The following OR10Z1 variants were observed in gnomAD, a reference collection of about 807,000 sequenced individuals.
The protein encoded by OR10Z1 is olfactory receptor family 10 subfamily Z member 1.
For synonymous variants in OR10Z1, 187 were observed against 151.2 expected (o/e 1.24, Z -1.74); for missense variants, 468 against 371.0 (o/e 1.26, Z -2.15).
chr1:158,611,526 AT>A lies in OR10Z1; in HGVS notation c.*4151del. On this transcript the variant is annotated 3_prime_UTR_variant, in exon 2 of 2. Transcript: ENST00000641002. ...GCAAGCCCTATTTCTATTACACACA[AT>A]TTTTATCTCATAAATTTATAATTTC... is the stretch of plus-strand genomic sequence containing the variant. The A allele has an allele frequency of 4.6e-6, 4 of 868,818 alleles. No individual in the cohort carries two copies. The highest frequency in any genetic ancestry group is 7.0e-6 in the Non-Finnish European group (4 of 573,022). 53.8% of individuals were successfully genotyped at this position (868,818 alleles called of 1,614,324 possible).
At position 158,606,918 on chromosome 1, in the gene OR10Z1, A is replaced by G; in HGVS notation, c.480A>G (p.Thr160=). 1 of 1,613,952 alleles carries G rather than the reference A, an allele frequency of 6.2e-7. No homozygotes were observed. Residue 160 remains threonine, a synonymous_variant, in exon 2 of 2, where the codon ACA becomes ACG. Transcript: ENST00000641002. The part of the protein sequence containing the change: ...LTGYLFGLGM[T]LVIFHLSFCS... ...GATACCTCTTTGGACTGGGAATGAC[A>G]CTAGTTATTTTCCACCTCTCATTCT... is the stretch of plus-strand genomic sequence containing the variant.
chr1:158,606,615 G>A lies in OR10Z1; in HGVS notation c.177G>A (p.Met59Ile), dbSNP rs753946126. The A allele has an allele frequency of 1.4e-5, 23 of 1,613,912 alleles. No homozygotes were observed. The highest frequency in any genetic ancestry group is 5.0e-5 in the Admixed American group (3 of 59,978). ...IRLDSHLHTP[M>I]YLFLSFLSFS... ...TGGATAGCCATCTGCACACCCCCAT[G>A]TACCTCTTCCTTTCCTTCCTATCCT... The change falls in exon 2 of 2, where the codon ATG (methionine) becomes ATA (isoleucine). Residue 59 changes from methionine to isoleucine, a missense_variant. Transcript: ENST00000641002.
chr1:158,606,267 AT>A, intron 1 of OR10Z1, 58 bp from the exon 2 acceptor site: 1 of 598,404 alleles, frequency 1.7e-6, no homozygotes, highest in Non-Finnish European at 3.0e-6. Context: ...TTTGTGTCTA[AT>A]TTAACAAATA....
chr1:158,610,378 A>C lies in OR10Z1; in HGVS notation c.*2998A>C, dbSNP rs575130817. On this transcript the variant is annotated 3_prime_UTR_variant, in exon 2 of 2. Transcript: ENST00000641002. The stretch of plus-strand genomic sequence containing the variant: ...TTATAGATCAAATCAGAATGTCGGC[A>C]TATAAACCTGTTCAGAATAAACCTG... 2.6e-5 allele frequency: 4 copies of C among 152,322 alleles called. No homozygotes were observed. In the South Asian group the frequency reaches 8.3e-4, roughly 32 times the overall value. The allele number at this position is 152,322 out of a possible 1,614,324, so 9.4% of individuals were successfully genotyped here.
chr1:158,606,337 A>C lies in OR10Z1; in HGVS notation c.-102A>C. 1 of 736,238 alleles carries C rather than the reference A, an allele frequency of 1.4e-6. No homozygotes were observed. Among genetic ancestry groups the C allele is most frequent in the Non-Finnish European group, 2.3e-6 (1 of 437,662 alleles). The allele number at this position is 736,238 out of a possible 1,614,324, so 45.6% of individuals were successfully genotyped here. ...GCTGCCTTTTTAAGTTGCAACAGGA[A>C]CAAGAGAAAAAGAATCCATATCATC... On this transcript the variant is annotated 5_prime_UTR_variant, in exon 2 of 2. Coordinates refer to ENST00000641002, the MANE Select transcript of OR10Z1 (RefSeq NM_001004478.2).
At position 158,611,133 on chromosome 1, in the gene OR10Z1, A is replaced by ACG; in HGVS notation, c.*3754_*3755insGC. On this transcript the variant is annotated 3_prime_UTR_variant, in exon 2 of 2. Coordinates refer to ENST00000641002, the MANE Select transcript of OR10Z1 (RefSeq NM_001004478.2). ...ATGTAATATGCACACAAACACAAGC[A>ACG]CACACACACACACACACACACACAC... 5.0e-6 allele frequency: 1 copy of ACG among 199,650 alleles called. No homozygotes were observed. Among genetic ancestry groups the ACG allele is most frequent in the Non-Finnish European group, 7.7e-6 (1 of 129,762 alleles). The allele number at this position is 199,650 out of a possible 1,614,324, so 12.4% of individuals were successfully genotyped here.
Position 158,607,010 on chromosome 1 carries a change from A to G in OR10Z1, c.572A>G (p.Asp191Gly). The part of the protein sequence containing the change: ...TPPVLSLACG[D>G]TGPSELRIFI... Reference sequence around the variant, plus strand: ...CCTGTGCTGAGCCTAGCCTGTGGAGATACAGGCCCGAGTGAGCTGAGGATC... The same window carrying G: ...CCTGTGCTGAGCCTAGCCTGTGGAGGTACAGGCCCGAGTGAGCTGAGGATC... Residue 191 changes from aspartate to glycine, a missense_variant, in exon 2 of 2, where the codon GAT (aspartate) becomes GGT (glycine). Coordinates refer to ENST00000641002, the MANE Select transcript of OR10Z1 (RefSeq NM_001004478.2). 6.2e-7 allele frequency: 1 copy of G among 1,613,918 alleles called. No individual in the cohort carries two copies. Among genetic ancestry groups the G allele is most frequent in the Non-Finnish European group, 8.5e-7 (1 of 1,179,914 alleles).
chr1:158,607,664 A>C lies in OR10Z1; in HGVS notation c.*284A>C. The C allele has an allele frequency of 3.2e-6, 1 of 313,290 alleles. No homozygotes were observed. The highest frequency in any genetic ancestry group is 2.1e-5 in the African/African-American group (1 of 46,770). 19.4% of individuals were successfully genotyped at this position (313,290 alleles called of 1,614,324 possible). On this transcript the variant is annotated 3_prime_UTR_variant, in exon 2 of 2. Transcript: ENST00000641002. The stretch of plus-strand genomic sequence containing the variant: ...GTTACTGAAACCCATTGAGAATTAA[A>C]AATTTAATTAAGATAATCAAGAATT...
At position 158,611,131 on chromosome 1, in the gene OR10Z1, G is replaced by GCACGCA. The variant is rs1553221963; in HGVS notation, c.*3754_*3755insGCACAC. 1.5e-6 allele frequency: 1 copy of GCACGCA among 670,346 alleles called. No individual in the cohort carries two copies. The highest frequency in any genetic ancestry group is 2.5e-6 in the Non-Finnish European group (1 of 392,794). The allele number at this position is 670,346 out of a possible 1,614,324, so 41.5% of individuals were successfully genotyped here. On this transcript the variant is annotated 3_prime_UTR_variant, in exon 2 of 2. Transcript: ENST00000641002. ...AAATGTAATATGCACACAAACACAA[G>GCACGCA]CACACACACACACACACACACACAC...
In OR10Z1 at chr1:158,606,922, G is replaced by A. The variant is rs28565358; in HGVS notation, c.484G>A (p.Val162Ile). 6.2e-7 allele frequency: 1 copy of A among 1,613,910 alleles called. No homozygotes were observed. Among genetic ancestry groups the A allele is most frequent in the Non-Finnish European group, 8.5e-7 (1 of 1,179,994 alleles). ...CCTCTTTGGACTGGGAATGACACTA[G>A]TTATTTTCCACCTCTCATTCTGCAG... ...GYLFGLGMTL[V>I]IFHLSFCSSH... The change falls in exon 2 of 2, where the codon GTT becomes ATT. Residue 162 changes from valine (V) to isoleucine (I), a missense_variant. By Grantham distance (29) the Val-to-Ile change is conservative. Coordinates refer to ENST00000641002, the MANE Select transcript of OR10Z1 (RefSeq NM_001004478.2).
chr1:158,605,774 C>G (rs1289086664), intron 1 of OR10Z1, among the ~76,000 whole-genome samples: 2 of 152,154 alleles, frequency 1.3e-5, no homozygotes, highest in Non-Finnish European at 2.9e-5. Flanking sequence ...TTCTGTGTGA[C>G]TTCAAGAAAG....
In OR10Z1 at chr1:158,612,459, CA is replaced by C. The variant is rs1649317219; in HGVS notation, c.*5080del. On this transcript the variant is annotated 3_prime_UTR_variant, in exon 2 of 2. Coordinates refer to ENST00000641002, the MANE Select transcript of OR10Z1 (RefSeq NM_001004478.2). ...TTAACTTGTAAAGTTCTGTCTTCCC[CA>C]CTACACCTGAATTTAGGGACTGTGT... 3.1e-6 allele frequency: 1 copy of C among 322,770 alleles called. No homozygotes were observed. The highest frequency in any genetic ancestry group is 4.5e-5 in the Admixed American group (1 of 22,362). 20.0% of individuals were successfully genotyped at this position (322,770 alleles called of 1,614,324 possible).
chr1:158,611,417 A>G lies in OR10Z1; in HGVS notation c.*4037A>G, dbSNP rs781536550. 1.9e-6 allele frequency: 3 copies of G among 1,612,530 alleles called. No individual in the cohort carries two copies. Among genetic ancestry groups the G allele is most frequent in the Non-Finnish European group, 2.5e-6 (3 of 1,179,016 alleles). Reference sequence around the variant, plus strand: ...GAAAAGTATAAAAAGAGAAAAATACAGTTATAGGGATTCAAAATAGCTGGT... The same window carrying G: ...GAAAAGTATAAAAAGAGAAAAATACGGTTATAGGGATTCAAAATAGCTGGT... On this transcript the variant is annotated 3_prime_UTR_variant, in exon 2 of 2. Transcript: ENST00000641002.
At position 158,607,398 on chromosome 1, in the gene OR10Z1, C is replaced by T; in HGVS notation, c.*18C>T. The T allele has an allele frequency of 2.5e-6, 4 of 1,585,976 alleles. No homozygotes were observed. The highest frequency in any genetic ancestry group is 3.5e-6 in the Non-Finnish European group (4 of 1,158,324). ...AAGGATGAAGGTTACCCCAATAGGA[C>T]ACTTTCTTCTGTGTAGGCTGGGCAT... On this transcript the variant is annotated 3_prime_UTR_variant, in exon 2 of 2. Coordinates refer to ENST00000641002, the MANE Select transcript of OR10Z1 (RefSeq NM_001004478.2).
Position 158,606,564 on chromosome 1 carries a change from T to C in OR10Z1, c.126T>C (p.Asn42=), listed in dbSNP as rs1048582171. 3.1e-6 allele frequency: 5 copies of C among 1,614,034 alleles called. No individual in the cohort carries two copies. The African/African-American group carries it at 4.0e-5, about 13-fold the overall frequency. Residue 42 remains asparagine, a synonymous_variant, in exon 2 of 2, where the codon AAT becomes AAC. Coordinates refer to ENST00000641002, the MANE Select transcript of OR10Z1 (RefSeq NM_001004478.2). The stretch of plus-strand genomic sequence containing the variant: ...TGTATCTAGTCACTCTGACCAGCAA[T>C]GTCTTCATTATCATAGCCATCAGGC... The part of the protein sequence containing the change: ...LSLYLVTLTS[N]VFIIIAIRLD...
In OR10Z1 at chr1:158,607,232, G is replaced by C. The variant is rs773542786; in HGVS notation, c.794G>C (p.Ser265Thr). The C allele has an allele frequency of 6.2e-7, 1 of 1,614,086 alleles. No individual in the cohort carries two copies. Among genetic ancestry groups the C allele is most frequent in the Admixed American group, 1.7e-5 (1 of 60,012 alleles). The change falls in exon 2 of 2, where the codon AGC becomes ACC. Residue 265 changes from serine to threonine, a missense_variant. Transcript: ENST00000641002. Reference sequence around the variant, plus strand: ...TTCGTGTACCTGAGGCCCAAAGCCAGCTACTCTCTTGAGAGAGATCAGCTT... The same window carrying C: ...TTCGTGTACCTGAGGCCCAAAGCCACCTACTCTCTTGAGAGAGATCAGCTT... ...ASFVYLRPKASYSLERDQLIA... is the reference protein window; with the variant it reads ...ASFVYLRPKATYSLERDQLIA...
Position 158,606,978 on chromosome 1 carries a change from C to A in OR10Z1, c.540C>A (p.Asp180Glu), listed in dbSNP as rs778393157. 1.9e-6 allele frequency: 3 copies of A among 1,613,850 alleles called. No individual in the cohort carries two copies. Among genetic ancestry groups the A allele is most frequent in the Non-Finnish European group, 2.5e-6 (3 of 1,179,950 alleles). Residue 180 changes from aspartate to glutamate, a missense_variant, in exon 2 of 2, where the codon GAC becomes GAA. By Grantham distance (45) the Asp-to-Glu change is conservative. Transcript: ENST00000641002. ...ATGAAATCCAGCACTTTTTTTGTGA[C>A]ACGCCACCTGTGCTGAGCCTAGCCT... ...SSHEIQHFFC[D>E]TPPVLSLACG...
At position 158,606,980 on chromosome 1, in the gene OR10Z1, C is replaced by A; in HGVS notation, c.542C>A (p.Thr181Lys). The A allele has an allele frequency of 6.2e-7, 1 of 1,613,998 alleles. No individual in the cohort carries two copies. The highest frequency in any genetic ancestry group is 8.5e-7 in the Non-Finnish European group (1 of 1,179,956). The change falls in exon 2 of 2, where the codon ACG becomes AAG. Residue 181 changes from threonine to lysine, a missense_variant. By Grantham distance (78) the Thr-to-Lys change is moderately conservative. Transcript: ENST00000641002. ...SHEIQHFFCDTPPVLSLACGD... is the reference protein window; with the variant it reads ...SHEIQHFFCDKPPVLSLACGD... ...GAAATCCAGCACTTTTTTTGTGACA[C>A]GCCACCTGTGCTGAGCCTAGCCTGT...
rs75274689 is a variant in OR10Z1 at position 158,607,445 on chromosome 1, G to A, written c.*65G>A. On this transcript the variant is annotated 3_prime_UTR_variant, in exon 2 of 2. Coordinates refer to ENST00000641002, the MANE Select transcript of OR10Z1 (RefSeq NM_001004478.2). ...GCATAGACCAAGAACCCAAGCCAAA[G>A]GGCCAGGTATTCAAGGCCTCAGGCC... The A allele has an allele frequency of 7.7e-7, 1 of 1,299,122 alleles. No individual in the cohort carries two copies. The highest frequency in any genetic ancestry group is 1.1e-6 in the Non-Finnish European group (1 of 928,880). 80.5% of individuals were successfully genotyped at this position (1,299,122 alleles called of 1,614,324 possible). A position where few individuals can be genotyped will look rare whatever the true frequency, so the allele number is the denominator to read the frequency against.
Sources: gnomAD v4.1 joint callset for allele counts (sites outside exome capture counted in the v4.1 genomes callset) on GRCh38, gnomAD v4.1.1 for gene constraint, MANE v1.5 for transcripts, NCBI Gene and HGNC (gene_info 2026-07-23, HGNC 2026-07-21) for gene names.